CTDSPL2: variants seen among roughly 807,000 people sequenced by gnomAD.
CTDSPL2 encodes CTD small phosphatase-like protein 2.
CTDSPL2 carries 5 observed loss-of-function variants against 60.0 expected under a neutral mutation model. That is an observed-to-expected ratio of 0.08 (90% CI 0.04 to 0.18). The LOEUF (loss-of-function observed/expected upper bound fraction) is 0.18. CTDSPL2 is among the 10% of genes least tolerant of loss of function. The pLI, the probability that CTDSPL2 is intolerant of heterozygous loss-of-function variation, is 1.00. For synonymous variants in CTDSPL2, 186 were observed against 189.3 expected, an observed-to-expected ratio of 0.98 and a Z score of 0.14; for missense variants, 370 against 548.8, an observed-to-expected ratio of 0.67 and a Z score of 3.26.
At chr15:44,501,600 T>A (rs1369455008) in intron 8 of CTDSPL2, among the ~76,000 whole-genome samples, 1 of 152,142 alleles carries the variant, frequency 6.6e-6, no homozygotes, top group African/African-American at 2.4e-5. Context: ...TGCATCTACC[T>A]CTGTGGAATT....
chr15:44,524,062 T>A, intron 12 of CTDSPL2, 47 bp from the exon 13 acceptor site: 7 of 1,404,936 alleles, frequency 5.0e-6, no homozygotes, highest in Non-Finnish European at 7.1e-6. Context: ...GAGGATCATA[T>A]CTTTGAAATT....
chr15:44,450,221 G>C (rs1341232946), intron 1 of CTDSPL2, among the ~76,000 whole-genome samples: 1 of 151,862 alleles, frequency 6.6e-6, no homozygotes, highest in Non-Finnish European at 1.5e-5. Context: ...AAATTACTTA[G>C]TTTTACTGTT....
chr15:44,437,058 G>A (rs2079993426), intron 1 of CTDSPL2, among the ~76,000 whole-genome samples: 1 of 152,118 alleles, frequency 6.6e-6, no homozygotes, highest in South Asian at 2.1e-4. Flanking sequence ...TAATAGTTTT[G>A]TGCATGAAAC....
intron 8 of CTDSPL2, among the ~76,000 whole-genome samples, chr15:44,504,236 G>T (rs1286426531): frequency 6.6e-6 from 1 of 152,120 alleles, no homozygotes; most frequent in Non-Finnish European, 1.5e-5. Flanking sequence ...TGTAATCCCA[G>T]CTACTCAGGA....
At chr15:44,463,570 G>T (rs1424304587) in intron 2 of CTDSPL2, among the ~76,000 whole-genome samples, 1 of 152,174 alleles carries the variant, frequency 6.6e-6, no homozygotes, top group Non-Finnish European at 1.5e-5. Flanking sequence ...ATTAATATTT[G>T]AATGCTTTAC....
chr15:44,493,125 G>A (rs2081244049), intron 5 of CTDSPL2, among the ~76,000 whole-genome samples: 1 of 151,950 alleles, frequency 6.6e-6, no homozygotes, highest in Non-Finnish European at 1.5e-5. Context: ...ATTGACTCCT[G>A]AGGAGTTTGT....
intron 1 of CTDSPL2, among the ~76,000 whole-genome samples, chr15:44,436,512 G>T (rs535409615): frequency 3.9e-5 from 6 of 152,240 alleles, no homozygotes; most frequent in African/African-American, 1.4e-4. Context: ...TGCCAGATCT[G>T]ATGTCCAATA....
In CTDSPL2 at chr15:44,524,409, A is replaced by G. The variant is rs138502736; in HGVS notation, c.*235A>G. 120 of 465,480 alleles carry G rather than the reference A, an allele frequency of 2.6e-4. No homozygotes were observed. In the East Asian group the frequency reaches 4.2e-3, roughly 16 times the overall value. The allele number at this position is 465,480 out of a possible 1,614,324, so 28.8% of individuals were successfully genotyped here. On this transcript the variant is annotated 3_prime_UTR_variant, in exon 13 of 13. Transcript: ENST00000260327. Reference sequence around the variant, plus strand: ...GAGTCTTTAGAACTAGTGCAACTCCAGTGAAATTTTTTATGTACAGGACAT... The same window carrying G: ...GAGTCTTTAGAACTAGTGCAACTCCGGTGAAATTTTTTATGTACAGGACAT...
chr15:44,464,452 A>G (rs1026109550), intron 2 of CTDSPL2, among the ~76,000 whole-genome samples: 9 of 152,234 alleles, frequency 5.9e-5, no homozygotes, highest in Admixed American at 2.6e-4. Flanking sequence ...CTAGGATTTA[A>G]ACTCATATGT....
At chr15:44,461,457 T>C (rs1283307743) in intron 2 of CTDSPL2, among the ~76,000 whole-genome samples, 1 of 151,850 alleles carries the variant, frequency 6.6e-6, no homozygotes, top group Non-Finnish European at 1.5e-5. Flanking sequence ...GATACTATCA[T>C]AGCTCACTGC....
chr15:44,509,182 CTTTTTTATTTTTATT>C (rs2081523139), intron 8 of CTDSPL2, among the ~76,000 whole-genome samples: 2 of 151,772 alleles, frequency 1.3e-5, no homozygotes, highest in Non-Finnish European at 2.9e-5. Flanking sequence ...TAATGACTGC[CTTTTTTATTTTTATT>C]TTTTTTATTT....
chr15:44,496,541 G>C, intron 6 of CTDSPL2, 83 bp downstream of exon 6: 1 of 1,037,282 alleles, frequency 9.6e-7, no homozygotes, highest in Non-Finnish European at 1.5e-6. Flanking sequence ...TGGCTAAATA[G>C]TATATTGCCA....
intron 7 of CTDSPL2, among the ~76,000 whole-genome samples, chr15:44,497,858 A>G (rs1360072945): frequency 6.6e-6 from 1 of 152,088 alleles, no homozygotes; most frequent in East Asian, 1.9e-4. Flanking sequence ...TTAGCTGGGC[A>G]TGGTGATACA....
chr15:44,517,325 A>C (rs1471035789), intron 10 of CTDSPL2: 1 of 150,970 alleles, frequency 6.6e-6, no homozygotes, highest in African/African-American at 2.4e-5. Flanking sequence ...CCTGGCCAAC[A>C]TAATGAAACC....
intron 1 of CTDSPL2, among the ~76,000 whole-genome samples, chr15:44,433,459 TACACACACACAC>T (rs56657073): frequency 3.8e-4 from 56 of 147,798 alleles, no homozygotes; most frequent in African/African-American, 9.7e-4. Context: ...TACATATATA[TACACACACACAC>T]ACACACACAC....
At chr15:44,444,841 T>G (rs1164081864) in intron 1 of CTDSPL2, among the ~76,000 whole-genome samples, 6 of 114,410 alleles carry the variant, frequency 5.2e-5, no homozygotes, top group Non-Finnish European at 1.1e-4. Flanking sequence ...ATGTAGTTTT[T>G]TTTTTTTTTT....
intron 2 of CTDSPL2, among the ~76,000 whole-genome samples, chr15:44,481,083 C>T (rs1402211753): frequency 1.3e-5 from 2 of 152,066 alleles, no homozygotes; most frequent in African/African-American, 4.8e-5. Flanking sequence ...TGCCTGTAAT[C>T]CCAGCACTTT....
intron 1 of CTDSPL2, among the ~76,000 whole-genome samples, chr15:44,436,073 C>T (rs1382953688): frequency 6.6e-6 from 1 of 151,998 alleles, no homozygotes; most frequent in Non-Finnish European, 1.5e-5. Flanking sequence ...AGTTGTAATA[C>T]CTGAAACTTG....
intron 1 of CTDSPL2, among the ~76,000 whole-genome samples, chr15:44,458,373 T>C (rs2080492739): frequency 6.6e-6 from 1 of 152,038 alleles, no homozygotes; most frequent in Admixed American, 6.5e-5. Flanking sequence ...CTCAAATAAA[T>C]AGCCTCATAT....
Sources: gnomAD v4.1 joint callset for allele counts (sites outside exome capture counted in the v4.1 genomes callset) on GRCh38, gnomAD v4.1.1 for gene constraint, MANE v1.5 for transcripts, NCBI Gene and HGNC (gene_info 2026-07-23, HGNC 2026-07-21) for gene names.